Variants in EIF4G3 observed in about 807,000 individuals in gnomAD.
The protein encoded by EIF4G3 is eIF-4-gamma 3.
A neutral mutation model predicts 186.4 loss-of-function variants in EIF4G3; 34 were observed. The ratio of observed to expected loss-of-function variants is 0.18; its 90% confidence interval spans 0.14 to 0.24. The LOEUF (loss-of-function observed/expected upper bound fraction) is 0.24. Ranked by LOEUF, EIF4G3 falls within the 10% of genes least tolerant of loss-of-function variation. The pLI is 1.00. For synonymous variants in EIF4G3, 673 were observed against 679.5 expected (o/e 0.99, Z 0.15); for missense variants, 1,536 against 1,948.5 (o/e 0.79, Z 3.99).
intron 36 of EIF4G3, among the ~76,000 whole-genome samples, chr1:20,808,312 C>T (rs2058516662): frequency 6.6e-6 from 1 of 152,100 alleles, no homozygotes; most frequent in African/African-American, 2.4e-5. Context: ...TGCAAGTTTA[C>T]TGTATTATTT....
intron 2 of EIF4G3, among the ~76,000 whole-genome samples, chr1:21,136,827 G>A (rs2097254531): frequency 6.6e-6 from 1 of 152,152 alleles, no homozygotes; most frequent in Non-Finnish European, 1.5e-5. Flanking sequence ...TTACAGAACT[G>A]CACTGTTCAA....
At chr1:20,959,847 G>C (rs2096531923) in intron 12 of EIF4G3, among the ~76,000 whole-genome samples, 1 of 152,070 alleles carries the variant, frequency 6.6e-6, no homozygotes, top group African/African-American at 2.4e-5. Context: ...TCTTACTGCT[G>C]CAAGAATGAC....
At chr1:21,034,555 T>C (rs6673455) in intron 4 of EIF4G3, among the ~76,000 whole-genome samples, 50,642 of 152,160 alleles carry the variant, frequency 0.33, 9,211 homozygotes, top group Non-Finnish European at 0.41. Flanking sequence ...AACAGAATTA[T>C]AGTATGAGAC....
intron 5 of EIF4G3, 143 bp downstream of exon 5, chr1:21,002,570 A>G (rs886735405): frequency 7.7e-6 from 6 of 776,950 alleles, no homozygotes; most frequent in Admixed American, 2.8e-5. Context: ...AAGCTAACAA[A>G]TAATAGTAGG....
chr1:21,050,370 T>C (rs1333604309), intron 4 of EIF4G3, among the ~76,000 whole-genome samples: 1 of 152,190 alleles, frequency 6.6e-6, no homozygotes, highest in Non-Finnish European at 1.5e-5. Flanking sequence ...TCACAATTCT[T>C]CTAACAGTTC....
rs1251197028 is a variant in EIF4G3 at position 20,899,740 on chromosome 1, G to A, written c.1956C>T (p.Ser652=). ...TAACCCCATCACCAGAACTATCTGT[G>A]GAGCCTGAATTAGCATCTATTCCTT... ...EGEGIDANSG[S]TDSSGDGVTF... The change falls in exon 16 of 37, where the codon TCC becomes TCT. Residue 652 remains serine (S), a synonymous_variant. Transcript: ENST00000602326. The A allele has an allele frequency of 8.1e-6, 13 of 1,614,138 alleles. No individual in the cohort carries two copies. The South Asian group carries it at 1.4e-4, about 18-fold the overall frequency.
At chr1:21,025,679 C>T (rs996867430) in intron 4 of EIF4G3, among the ~76,000 whole-genome samples, 11 of 152,100 alleles carry the variant, frequency 7.2e-5, no homozygotes, top group Non-Finnish European at 1.6e-4. Context: ...AATATATCAA[C>T]TTTTTTTTCT....
At chr1:20,861,990 C>T (rs990673782) in intron 23 of EIF4G3, among the ~76,000 whole-genome samples, 6 of 151,730 alleles carry the variant, frequency 4.0e-5, no homozygotes, top group South Asian at 2.1e-4. Flanking sequence ...AAAAACAAAG[C>T]GCAAACAAAA....
rs111534354 is a variant in EIF4G3 at position 20,824,978 on chromosome 1, C to T, written c.4368+122G>A. ...TAAAAGCATGAACTTAAAAGGACATCTTTACCAAGATTCCTATTTTGATGC... is the reference window on the plus strand; with the variant it reads ...TAAAAGCATGAACTTAAAAGGACATTTTTACCAAGATTCCTATTTTGATGC... On this transcript the variant is annotated intron_variant, in intron 33 of 36. Coordinates refer to ENST00000602326, the MANE Select transcript of EIF4G3 (RefSeq NM_001391906.1). 221 of 574,110 alleles carry T rather than the reference C, an allele frequency of 3.8e-4. No individual in the cohort carries two copies. The African/African-American group carries it at 4.0e-3, about 10-fold the overall frequency. 35.6% of individuals were successfully genotyped at this position (574,110 alleles called of 1,614,324 possible).
chr1:21,150,464 A>G lies in EIF4G3; in HGVS notation c.-272+25711T>C, dbSNP rs139514394. ...AATGTGAGATCAGCACTATACTGAC[A>G]CTATGGGGAAAACAATGCTTAATGA... is the stretch of plus-strand genomic sequence containing the variant. On this transcript the variant is annotated intron_variant, in intron 2 of 36. Coordinates refer to ENST00000602326, the MANE Select transcript of EIF4G3 (RefSeq NM_001391906.1). Among the ~76,000 whole-genome samples the G allele has an allele frequency of 4.6e-3, 704 of 152,322 alleles. 4 individuals are homozygous for G. The highest frequency in any genetic ancestry group is 0.015 in the African/African-American group (641 of 41,586).
At position 20,845,525 on chromosome 1, in the gene EIF4G3, G is replaced by T. The variant is rs556062391; in HGVS notation, c.3888+3890C>A. 4.6e-5 allele frequency among the ~76,000 whole-genome samples: 7 copies of T among 152,200 alleles called. No homozygotes were observed. The East Asian group carries it at 5.8e-4, about 13-fold the overall frequency. On this transcript the variant is annotated intron_variant, in intron 29 of 36. Coordinates refer to ENST00000602326, the MANE Select transcript of EIF4G3 (RefSeq NM_001391906.1). ...AAAGTACAAAAAATTAGCCGGGCAT[G>T]GTGGCGGGCGCCTGTAGTCTGAGCT...
chr1:20,819,509 G>A (rs1439160092), intron 33 of EIF4G3, among the ~76,000 whole-genome samples: 1 of 151,672 alleles, frequency 6.6e-6, no homozygotes, highest in Non-Finnish European at 1.5e-5. Flanking sequence ...CCGGGTTGCA[G>A]TGCAATGGCA....
intron 2 of EIF4G3, among the ~76,000 whole-genome samples, chr1:21,132,003 A>T (rs2097162325): frequency 6.6e-6 from 1 of 152,196 alleles, no homozygotes; most frequent in African/African-American, 2.4e-5. Context: ...CAAAAAAAGA[A>T]AGAAAAATAC....
intron 20 of EIF4G3, among the ~76,000 whole-genome samples, chr1:20,872,850 C>T (rs2079608944): frequency 6.6e-6 from 1 of 151,772 alleles, no homozygotes; most frequent in African/African-American, 2.4e-5. Flanking sequence ...AATTCTCCTG[C>T]CTCAGCCTCC....
In EIF4G3 at chr1:20,997,740, C is replaced by G. The variant is rs182549279; in HGVS notation, c.145-107G>C. On this transcript the variant is annotated intron_variant, in intron 6 of 36. Coordinates refer to ENST00000602326, the MANE Select transcript of EIF4G3 (RefSeq NM_001391906.1). ...AATATGCCAAAAGAAAAAAAACCCA[C>G]AGTGGGGAAATAAAAAACAACACAC... The G allele has an allele frequency of 4.5e-5, 37 of 819,702 alleles. No individual in the cohort carries two copies. In the East Asian group the frequency reaches 1.0e-3, roughly 23 times the overall value. 50.8% of individuals were successfully genotyped at this position (819,702 alleles called of 1,614,324 possible).
chr1:21,069,893 T>G (rs2095392115), intron 3 of EIF4G3, among the ~76,000 whole-genome samples: 1 of 152,178 alleles, frequency 6.6e-6, no homozygotes, highest in African/African-American at 2.4e-5. Flanking sequence ...AGATTTTTTT[T>G]GTTGTTTTAC....
intron 19 of EIF4G3, among the ~76,000 whole-genome samples, chr1:20,884,670 C>G (rs1457435185): frequency 5.9e-5 from 9 of 152,062 alleles, no homozygotes; most frequent in Non-Finnish European, 1.3e-4. Context: ...CCTTAGGAAC[C>G]CTGTGGCAAA....
intron 14 of EIF4G3, among the ~76,000 whole-genome samples, chr1:20,912,661 A>C (rs1237739001): frequency 6.6e-6 from 1 of 152,248 alleles, no homozygotes; most frequent in African/African-American, 2.4e-5. Context: ...TGGAACTTTC[A>C]GTGAGAGTTC....
intron 33 of EIF4G3, among the ~76,000 whole-genome samples, chr1:20,819,234 C>A (rs1557771207): frequency 6.6e-6 from 1 of 151,976 alleles, no homozygotes; most frequent in East Asian, 1.9e-4. Context: ...TATTTTTCAA[C>A]CTCATTTTTC....
Sources: allele counts gnomAD v4.1 joint callset (sites outside exome capture counted in the v4.1 genomes callset), GRCh38; gene constraint gnomAD v4.1.1; transcripts MANE v1.5; gene names NCBI Gene and HGNC (gene_info 2026-07-23, HGNC 2026-07-21).